The following CFAP210 variants were observed in gnomAD, a reference collection of about 807,000 sequenced individuals.
The protein encoded by CFAP210 is cilia- and flagella- associated protein 210.
the CFAP210 span, chr2:169,654,118 G>A: frequency 5.4e-5 from 87 of 1,608,062 alleles, 1 homozygote; most frequent in South Asian, 6.0e-4. Flanking sequence ...TGTATAAGAC[G>A]CTTTTTTGCT....
At chr2:169,651,123 A>T in the CFAP210 span, among the ~76,000 whole-genome samples, 1 of 150,828 alleles carries the variant, frequency 6.6e-6, no homozygotes, top group Non-Finnish European at 1.5e-5. Context: ...GCTACTCAGG[A>T]GGCTGAGGCA....
the CFAP210 span, among the ~76,000 whole-genome samples, chr2:169,688,227 G>C: frequency 6.6e-6 from 1 of 152,206 alleles, no homozygotes; most frequent in Non-Finnish European, 1.5e-5. Context: ...CATGGTCCTG[G>C]GGATTAACAT....
At chr2:169,645,482 C>G in the CFAP210 span, 1 of 176,604 alleles carries the variant, frequency 5.7e-6, no homozygotes, top group Non-Finnish European at 1.2e-5. Flanking sequence ...ATAAAGTTAC[C>G]AGGAGCTGTG....
chr2:169,674,529 T>C, the CFAP210 span: 136 of 1,433,374 alleles, frequency 9.5e-5, 1 homozygote, highest in South Asian at 6.6e-4. Context: ...CTACATCCAT[T>C]ATGAGAAAAC....
chr2:169,651,098 G>C, the CFAP210 span, among the ~76,000 whole-genome samples: 1 of 151,454 alleles, frequency 6.6e-6, no homozygotes, highest in South Asian at 2.1e-4. Flanking sequence ...GTGGTGGCAG[G>C]CGCCTGTAAT....
At chr2:169,654,213 T>G in the CFAP210 span, 1 of 1,569,144 alleles carries the variant, frequency 6.4e-7, no homozygotes, top group Non-Finnish European at 8.6e-7. Flanking sequence ...CTGCATATGT[T>G]CCTTGGGGGA....
the CFAP210 span, among the ~76,000 whole-genome samples, chr2:169,693,761 A>G: frequency 2.6e-5 from 4 of 152,078 alleles, no homozygotes; most frequent in African/African-American, 9.7e-5. Flanking sequence ...GAGACCTTAT[A>G]TTTACTTTAG....
the CFAP210 span, among the ~76,000 whole-genome samples, chr2:169,651,430 T>C: frequency 6.6e-6 from 1 of 151,874 alleles, no homozygotes; most frequent in Non-Finnish European, 1.5e-5. Context: ...TGAGTCTCAC[T>C]GTCACCCAGG....
chr2:169,689,789 G>GT, the CFAP210 span, among the ~76,000 whole-genome samples: 7 of 152,138 alleles, frequency 4.6e-5, no homozygotes, highest in South Asian at 1.2e-3. Flanking sequence ...TTCCCAGTTT[G>GT]TTGTTTTTAT....
chr2:169,678,341 C>CAAAAAAAAAAAAAAAAAAAA, the CFAP210 span, among the ~76,000 whole-genome samples: 1 of 88,226 alleles, frequency 1.1e-5, no homozygotes, highest in Admixed American at 1.3e-4. Flanking sequence ...AACTCTGTTG[C>CAAAAAAAAAAAAAAAAAAAA]AAAAAAAAAA....
the CFAP210 span, chr2:169,654,293 T>C: frequency 8.0e-7 from 1 of 1,253,080 alleles, no homozygotes; most frequent in East Asian, 2.6e-5. Flanking sequence ...CAAGAACCTG[T>C]CAAATGGTCA....
At chr2:169,653,211 T>C in the CFAP210 span, among the ~76,000 whole-genome samples, 1 of 150,386 alleles carries the variant, frequency 6.6e-6, no homozygotes, top group Non-Finnish European at 1.5e-5. Context: ...AATGAGAAGG[T>C]AATATTTAAG....
chr2:169,674,484 T>C, the CFAP210 span: 1 of 1,084,036 alleles, frequency 9.2e-7, no homozygotes. Context: ...TGACTAATTA[T>C]TTTAGCATGT....
the CFAP210 span, among the ~76,000 whole-genome samples, chr2:169,688,988 G>A: frequency 3.3e-5 from 5 of 152,226 alleles, no homozygotes; most frequent in African/African-American, 1.2e-4. Flanking sequence ...AGTTCCACAT[G>A]GCTGGGGAGG....
At chr2:169,653,076 G>GTATA in the CFAP210 span, among the ~76,000 whole-genome samples, 1 of 104,920 alleles carries the variant, frequency 9.5e-6, no homozygotes, top group Non-Finnish European at 1.8e-5. Flanking sequence ...ATGTATGTGT[G>GTATA]TATATATATG....
At chr2:169,675,160 A>T in the CFAP210 span, 1 of 751,624 alleles carries the variant, frequency 1.3e-6, no homozygotes, top group Non-Finnish European at 1.9e-6. Flanking sequence ...ATATTTTATT[A>T]ATAAATAAAA....
the CFAP210 span, chr2:169,650,435 G>C: frequency 3.0e-5 from 48 of 1,603,894 alleles, no homozygotes; most frequent in Non-Finnish European, 3.9e-5. Context: ...AATATCTCTA[G>C]CAATAATCAT....
chr2:169,665,852 C>T, the CFAP210 span, among the ~76,000 whole-genome samples: 1 of 152,136 alleles, frequency 6.6e-6, no homozygotes, highest in Admixed American at 6.5e-5. Context: ...AGCTTATCTG[C>T]ATCTTCTTTT....
chr2:169,645,701 A>G, the CFAP210 span: 8 of 644,736 alleles, frequency 1.2e-5, no homozygotes, highest in Admixed American at 2.4e-4. Flanking sequence ...TATATACCCA[A>G]AAGAAATACT....
Sources: allele counts gnomAD v4.1 joint callset (sites outside exome capture counted in the v4.1 genomes callset), GRCh38; gene constraint gnomAD v4.1.1; transcripts MANE v1.5; gene names NCBI Gene and HGNC (gene_info 2026-07-23, HGNC 2026-07-21).